ALG14: variants seen among roughly 807,000 people sequenced by gnomAD.
The protein encoded by ALG14 is ALG14 UDP-N-acetylglucosaminyltransferase subunit.
In ALG14, 17 loss-of-function variants were observed where a neutral mutation model predicts 22.8. The ratio of observed to expected loss-of-function variants is 0.75; its 90% CI spans 0.51 to 1.12. The LOEUF is 1.12. ALG14 is among the 50% of genes most tolerant of loss of function. The pLI is 0.00. For synonymous variants in ALG14, 89 were observed against 103.7 expected (o/e 0.86, Z 0.86); for missense variants, 288 against 271.8 (o/e 1.06, Z -0.42).
rs1259176390 is a variant in ALG14, at chr1:94,980,641, G to T, written c.*2435C>A. ...TGTGCCACCAGCCCCCTCTGCTAAT[G>T]GGACCTTGAGGACTCAAATTAGCCA... On this transcript the variant is annotated 3_prime_UTR_variant, in exon 4 of 4. Coordinates refer to ENST00000370205, the MANE Select transcript of ALG14 (RefSeq NM_144988.4). 6.6e-6 allele frequency: 1 copy of T among 152,164 alleles called. No homozygotes were observed. The highest frequency in any genetic ancestry group is 2.4e-5 in the African/African-American group (1 of 41,440). 9.4% of individuals were successfully genotyped at this position (152,164 alleles called of 1,614,324 possible).
At position 95,072,757 on chromosome 1, in the gene ALG14, A is replaced by G; in HGVS notation, c.136+6T>C. The stretch of plus-strand genomic sequence containing the variant: ...CAAGTCCGACAGTCGCCTCCTCGAT[A>G]CTTACCGGACCCAGCCACTACCAAG... On this transcript the variant is annotated splice_donor_region_variant and intron_variant, in intron 1 of 3. Coordinates refer to ENST00000370205, the MANE Select transcript of ALG14 (RefSeq NM_144988.4). 1 of 1,613,966 alleles carries G rather than the reference A, an allele frequency of 6.2e-7. No individual in the cohort carries two copies. Among genetic ancestry groups the G allele is most frequent in the Non-Finnish European group, 8.5e-7 (1 of 1,179,962 alleles).
chr1:95,070,076 CT>C (rs1212152257), intron 1 of ALG14, among the ~76,000 whole-genome samples: 1 of 152,134 alleles, frequency 6.6e-6, no homozygotes, highest in African/African-American at 2.4e-5. Context: ...ATTATCTGAT[CT>C]ACCTTGTTTG....
chr1:94,992,568 G>T (rs1055219642), intron 3 of ALG14, among the ~76,000 whole-genome samples: 21 of 152,144 alleles, frequency 1.4e-4, no homozygotes, highest in African/African-American at 5.1e-4. Context: ...TTGAAGAGGA[G>T]GGGGAGCTTG....
intron 3 of ALG14, among the ~76,000 whole-genome samples, chr1:95,011,374 G>A (rs956467836): frequency 1.4e-4 from 22 of 151,896 alleles, no homozygotes; most frequent in Admixed American, 1.3e-3. Context: ...ATGGGATGAC[G>A]CCTTAACTGT....
At position 95,072,937 on chromosome 1, in the gene ALG14, G is replaced by A; in HGVS notation, c.-39C>T. 2 of 1,611,430 alleles carry A rather than the reference G, an allele frequency of 1.2e-6. No homozygotes were observed. Among genetic ancestry groups the A allele is most frequent in the Non-Finnish European group, 1.7e-6 (2 of 1,179,350 alleles). On this transcript the variant is annotated 5_prime_UTR_variant, in exon 1 of 4. Transcript: ENST00000370205. ...GCATGCGTCCAACTTCCGGGGACCAGCCGCTGTCAAAGTTCACAACTACGG... is the reference window on the plus strand; with the variant it reads ...GCATGCGTCCAACTTCCGGGGACCAACCGCTGTCAAAGTTCACAACTACGG...
chr1:95,002,396 G>A (rs1201774540), intron 3 of ALG14, among the ~76,000 whole-genome samples: 1 of 152,072 alleles, frequency 6.6e-6, no homozygotes, highest in Non-Finnish European at 1.5e-5. Context: ...AGGGGAAGGA[G>A]GCTGAGCGGG....
At chr1:95,058,284 G>GAAAAA (rs56748968) in intron 2 of ALG14, among the ~76,000 whole-genome samples, 1 of 20,512 alleles carries the variant, frequency 4.9e-5, no homozygotes, top group Non-Finnish European at 1.0e-4. Context: ...GACTCCATCT[G>GAAAAA]AAAAAAAAAA....
intron 2 of ALG14, among the ~76,000 whole-genome samples, chr1:95,061,397 G>A (rs1675142210): frequency 1.3e-5 from 2 of 152,124 alleles, no homozygotes; most frequent in Admixed American, 6.6e-5. Flanking sequence ...CTTGTTTGAC[G>A]TGGATTTTTT....
intron 2 of ALG14, among the ~76,000 whole-genome samples, chr1:95,029,047 A>C (rs1277896196): frequency 1.3e-5 from 2 of 152,228 alleles, no homozygotes; most frequent in Non-Finnish European, 2.9e-5. Flanking sequence ...GCTTAAAACA[A>C]TAAGTATATT....
intron 2 of ALG14, among the ~76,000 whole-genome samples, chr1:95,030,569 T>C (rs916883166): frequency 1.3e-5 from 2 of 152,230 alleles, no homozygotes; most frequent in African/African-American, 4.8e-5. Flanking sequence ...TTGTTAAGGC[T>C]GTGAGCATAC....
At chr1:95,065,100 T>C in intron 1 of ALG14, 83 bp from the exon 2 acceptor site, 6 of 1,294,186 alleles carry the variant, frequency 4.6e-6, no homozygotes, top group Non-Finnish European at 6.2e-6. Flanking sequence ...ATATCATGGT[T>C]TCAGGTTGGG....
chr1:94,986,771 C>CT (rs35357830), intron 3 of ALG14, among the ~76,000 whole-genome samples: 3,622 of 139,788 alleles, frequency 0.026, 143 homozygotes, highest in African/African-American at 0.085. Flanking sequence ...GCGCCTGGCC[C>CT]TTTTTTTTTT....
chr1:95,043,270 C>T lies in ALG14; in HGVS notation c.289-16010G>A, dbSNP rs539972782. Among the ~76,000 whole-genome samples, 25 of 152,148 alleles carry T rather than the reference C, an allele frequency of 1.6e-4. No homozygotes were observed. The South Asian group carries it at 3.9e-3, about 24-fold the overall frequency. ...TGATTCAACTACTGATTCTCAAGGG[C>T]GATGGGAGGGGAGGCCCCCCATACA... On this transcript the variant is annotated intron_variant, in intron 2 of 3. Coordinates refer to ENST00000370205, the MANE Select transcript of ALG14 (RefSeq NM_144988.4).
chr1:94,984,357 C>T (rs1033530506), intron 3 of ALG14, among the ~76,000 whole-genome samples: 1 of 152,262 alleles, frequency 6.6e-6, no homozygotes, highest in South Asian at 2.1e-4. Context: ...ATTGTTTATA[C>T]CACCCCAGCA....
intron 3 of ALG14, among the ~76,000 whole-genome samples, chr1:94,991,901 G>T (rs566018058): frequency 1.3e-5 from 2 of 150,758 alleles, no homozygotes; most frequent in South Asian, 4.2e-4. Flanking sequence ...AGACACAGAC[G>T]CACACATTAC....
chr1:94,990,322 C>T (rs779369037), intron 3 of ALG14, among the ~76,000 whole-genome samples: 4 of 152,228 alleles, frequency 2.6e-5, no homozygotes, highest in South Asian at 4.2e-4. Flanking sequence ...ATGGGGATGA[C>T]GTATTTGCTT....
chr1:95,016,168 C>G (rs1571608455), intron 3 of ALG14, among the ~76,000 whole-genome samples: 2 of 152,174 alleles, frequency 1.3e-5, no homozygotes. Flanking sequence ...TTTTCTCTAT[C>G]CATGTAGACA....
chr1:95,059,233 C>T (rs557334934), intron 2 of ALG14, among the ~76,000 whole-genome samples: 12 of 151,622 alleles, frequency 7.9e-5, no homozygotes, highest in African/African-American at 2.9e-4. Flanking sequence ...CCCGTCTCTA[C>T]TAAAAATACA....
At chr1:95,019,735 C>T (rs888371545) in intron 3 of ALG14, among the ~76,000 whole-genome samples, 2 of 152,154 alleles carry the variant, frequency 1.3e-5, no homozygotes, top group African/African-American at 4.8e-5. Flanking sequence ...AATCCCAGGA[C>T]TTTGGGAGGC....
Sources: allele counts gnomAD v4.1 joint callset (sites outside exome capture counted in the v4.1 genomes callset), GRCh38; gene constraint gnomAD v4.1.1; transcripts MANE v1.5; gene names NCBI Gene and HGNC (gene_info 2026-07-23, HGNC 2026-07-21).